Variants in SORCS2 observed in about 807,000 individuals in gnomAD.
The protein encoded by SORCS2 is VPS10 domain-containing receptor SorCS2.
In SORCS2, 100 loss-of-function variants were observed where a neutral mutation model predicts 141.6. The observed-to-expected ratio is 0.71, with a 90% CI of 0.60 to 0.83. The LOEUF (loss-of-function observed/expected upper bound fraction) is 0.83. Among genes scored for constraint, SORCS2 ranks in the 40% least tolerant of loss-of-function variants. The pLI, the probability that SORCS2 is intolerant of heterozygous loss-of-function variation, is 0.00. For missense variants in SORCS2, 1,646 were observed against 1,560.2 expected (o/e 1.05, Z -0.93); for synonymous variants, 789 against 676.9 (o/e 1.17, Z -2.57).
chr4:7,377,486 C>G (rs74757448), intron 1 of SORCS2, among the ~76,000 whole-genome samples: 1 of 152,200 alleles, frequency 6.6e-6, no homozygotes, highest in Non-Finnish European at 1.5e-5. Context: ...CTCTGAAAGC[C>G]GAGACCACAT....
intron 3 of SORCS2, among the ~76,000 whole-genome samples, chr4:7,534,850 C>G (rs898892126): frequency 6.6e-6 from 1 of 152,260 alleles, no homozygotes; most frequent in Non-Finnish European, 1.5e-5. Context: ...TTGCTTCAAG[C>G]CACGGAGTGC....
At chr4:7,403,997 A>ATATATATATATATTT (rs1265288820) in intron 2 of SORCS2, among the ~76,000 whole-genome samples, 24 of 18,884 alleles carry the variant, frequency 1.3e-3, no homozygotes, top group East Asian at 5.1e-3. Context: ...ATATATATAT[A>ATATATATATATATTT]TTTTTTTTTT....
rs965391594 is a variant in SORCS2, at chr4:7,737,541, C to T, written c.3415+369C>T. Among the ~76,000 whole-genome samples, 15 of 152,298 alleles carry T rather than the reference C, an allele frequency of 9.8e-5. No individual in the cohort carries two copies. The East Asian group carries it at 1.9e-3, about 20-fold the overall frequency. ...ACGTGGGAGGCCTTTCCCCCACAGCCGCTCCCTCAACACTCCCAGTCCTCC... is the reference window on the plus strand; with the variant it reads ...ACGTGGGAGGCCTTTCCCCCACAGCTGCTCCCTCAACACTCCCAGTCCTCC... On this transcript the variant is annotated intron_variant, in intron 26 of 26. Transcript: ENST00000507866.
intron 1 of SORCS2, among the ~76,000 whole-genome samples, chr4:7,300,980 C>T (rs1036195833): frequency 6.6e-6 from 1 of 152,186 alleles, no homozygotes; most frequent in African/African-American, 2.4e-5. Context: ...GCCTTCCTGC[C>T]TCTTCTGTGT....
At chr4:7,686,709 G>T (rs538413936) in intron 10 of SORCS2, among the ~76,000 whole-genome samples, 1 of 152,358 alleles carries the variant, frequency 6.6e-6, no homozygotes, top group East Asian at 1.9e-4. Flanking sequence ...TGCCCCATGG[G>T]CAGGCACCTC....
rs371139395 is a variant in SORCS2 at position 7,715,200 on chromosome 4, G to A, written c.2141G>A (p.Arg714His). Residue 714 changes from arginine (R) to histidine (H), a missense_variant, in exon 17 of 27, where the codon CGC becomes CAC. Coordinates refer to ENST00000507866, the MANE Select transcript of SORCS2 (RefSeq NM_020777.3). Reference sequence around the variant, plus strand: ...CCTCCCAGCGACTACGGATTTGAGCGCTCCTCCTCCTCAGAGTCCAGCACC... The same window carrying A: ...CCTCCCAGCGACTACGGATTTGAGCACTCCTCCTCCTCAGAGTCCAGCACC... ...SDFLCDYGFERSSSSESSTNK... is the reference protein window; with the variant it reads ...SDFLCDYGFEHSSSSESSTNK... 18 of 1,613,816 alleles carry A rather than the reference G, an allele frequency of 1.1e-5. No homozygotes were observed. The highest frequency in any genetic ancestry group is 8.0e-5 in the African/African-American group (6 of 75,010).
chr4:7,686,495 T>A (rs1723879616), intron 10 of SORCS2, among the ~76,000 whole-genome samples: 1 of 152,128 alleles, frequency 6.6e-6, no homozygotes, highest in Non-Finnish European at 1.5e-5. Flanking sequence ...TTGGCCTGCC[T>A]CCAGCCCTGC....
chr4:7,693,851 G>C (rs1724415659), intron 11 of SORCS2, among the ~76,000 whole-genome samples: 1 of 152,242 alleles, frequency 6.6e-6, no homozygotes, highest in Non-Finnish European at 1.5e-5. Flanking sequence ...CTAGATGTGA[G>C]GGCGAGAAGC....
chr4:7,725,309 T>C (rs771422266), intron 20 of SORCS2, 22 bp downstream of exon 20: 7 of 1,606,920 alleles, frequency 4.4e-6, no homozygotes, highest in South Asian at 1.1e-5. Flanking sequence ...TTGCCCCAAC[T>C]CAGCCCTTCT....
chr4:7,635,920 T>C (rs1720213683), intron 3 of SORCS2, among the ~76,000 whole-genome samples: 1 of 152,188 alleles, frequency 6.6e-6, no homozygotes, highest in Non-Finnish European at 1.5e-5. Context: ...AAGCTTTCCC[T>C]GGAAAGAAAG....
chr4:7,409,795 T>A (rs1335443059), intron 2 of SORCS2, among the ~76,000 whole-genome samples: 1 of 152,228 alleles, frequency 6.6e-6, no homozygotes, highest in Non-Finnish European at 1.5e-5. Flanking sequence ...ATCTTCACAT[T>A]TGCATTCTGA....
intron 18 of SORCS2, among the ~76,000 whole-genome samples, chr4:7,723,217 C>T (rs1726716721): frequency 6.6e-6 from 1 of 152,148 alleles, no homozygotes; most frequent in African/African-American, 2.4e-5. Flanking sequence ...AAATTAAGAA[C>T]CGCAGCTTCC....
chr4:7,391,431 G>T (rs1051452687), intron 1 of SORCS2, among the ~76,000 whole-genome samples: 2 of 152,210 alleles, frequency 1.3e-5, no homozygotes, highest in East Asian at 3.9e-4. Context: ...GGACGGCTCA[G>T]CACAGAGCAG....
At chr4:7,633,127 G>A (rs995084511) in intron 3 of SORCS2, among the ~76,000 whole-genome samples, 3 of 152,202 alleles carry the variant, frequency 2.0e-5, no homozygotes, top group Non-Finnish European at 2.9e-5. Context: ...TTTGAAAAGT[G>A]AAGGTTTAGT....
chr4:7,312,194 C>T (rs958737935), intron 1 of SORCS2, among the ~76,000 whole-genome samples: 4 of 152,166 alleles, frequency 2.6e-5, no homozygotes, highest in Admixed American at 6.5e-5. Flanking sequence ...ATTCTCTTAA[C>T]GGTGGCTGCT....
At chr4:7,351,464 C>T (rs1393704304) in intron 1 of SORCS2, among the ~76,000 whole-genome samples, 1 of 152,204 alleles carries the variant, frequency 6.6e-6, no homozygotes, top group Non-Finnish European at 1.5e-5. Flanking sequence ...GTTCTCATCA[C>T]ATCCTTCTCT....
Position 7,729,593 on chromosome 4 carries a change from A to G in SORCS2, c.2989A>G (p.Ser997Gly), listed in dbSNP as rs752577366. The G allele has an allele frequency of 6.3e-7, 1 of 1,583,428 alleles. No individual in the cohort carries two copies. Among genetic ancestry groups the G allele is most frequent in the Non-Finnish European group, 8.6e-7 (1 of 1,165,038 alleles). ...VVTRLLSKETSVPQELLVTVV... is the reference protein window; with the variant it reads ...VVTRLLSKETGVPQELLVTVV... ...GGCTTAACTCTCCCCGCAGGAGACCAGCGTCCCTCAGGAGCTTCTGGTGAC... is the reference window on the plus strand; with the variant it reads ...GGCTTAACTCTCCCCGCAGGAGACCGGCGTCCCTCAGGAGCTTCTGGTGAC... The change falls in exon 23 of 27, where the codon AGC becomes GGC. Residue 997 changes from serine to glycine, a missense_variant. Physicochemically the swap from Ser to Gly is moderately conservative, Grantham distance 56. Transcript: ENST00000507866.
rs551353344 is a variant in SORCS2, at chr4:7,733,558, AAC to A, written c.3208+138_3208+139del. The A allele has an allele frequency of 3.2e-5, 22 of 688,068 alleles. No homozygotes were observed. The East Asian group carries it at 6.0e-4, about 19-fold the overall frequency. 42.6% of individuals were successfully genotyped at this position (688,068 alleles called of 1,614,324 possible). On this transcript the variant is annotated intron_variant, in intron 24 of 26. Transcript: ENST00000507866. ...GGTGTTCGCCTCTGATGGAACTGAG[AAC>A]CCACCCAGGTCAGACGCAGGACCGC...
intron 1 of SORCS2, among the ~76,000 whole-genome samples, chr4:7,289,734 T>G (rs1429961373): frequency 6.6e-6 from 1 of 152,194 alleles, no homozygotes; most frequent in East Asian, 1.9e-4. Context: ...TCAGCAGCGC[T>G]TCGAGGATAA....
Sources: gnomAD v4.1 joint callset for allele counts (sites outside exome capture counted in the v4.1 genomes callset) on GRCh38, gnomAD v4.1.1 for gene constraint, MANE v1.5 for transcripts, NCBI Gene and HGNC (gene_info 2026-07-23, HGNC 2026-07-21) for gene names.